USP31: variants seen among roughly 807,000 people sequenced by gnomAD.
The protein encoded by USP31 is ubiquitin specific peptidase 31.
In USP31, 44 loss-of-function variants were observed where a neutral mutation model predicts 119.4. The observed-to-expected ratio is 0.37, with a 90% CI of 0.29 to 0.47. The LOEUF (loss-of-function observed/expected upper bound fraction) is 0.47, where lower values mean the gene tolerates loss of function less well. Ranked by LOEUF, USP31 falls within the 20% of genes least tolerant of loss-of-function variation. USP31 has a pLI of 0.99. For missense variants in USP31, 1,643 were observed against 1,730.2 expected (o/e 0.95, Z 0.89); for synonymous variants, 749 against 705.6 (o/e 1.06, Z -0.97).
chr16:23,077,986 G>A (rs1418194298), intron 13 of USP31, among the ~76,000 whole-genome samples: 1 of 152,314 alleles, frequency 6.6e-6, no homozygotes, highest in African/African-American at 2.4e-5. Context: ...GATAACATTA[G>A]AGATCTATCA....
Position 23,082,516 on chromosome 16 carries a change from C to A in USP31, c.1872G>T (p.Gln624His). Reference protein sequence around the residue: ...DDAWRCPHCKQLQQGSITLSL... With the variant: ...DDAWRCPHCKHLQQGSITLSL... ...TTAACGTAATGCTTCCCTGCTGCAG[C>A]TGCTTACAGTGTGGGCAACGCCAGG... Residue 624 changes from glutamine to histidine, a missense_variant, in exon 12 of 16, where the codon CAG becomes CAT. Around this residue, in one of 5 missense-constraint regions of USP31, gnomAD observed 279 missense variants for 372.2 expected, o/e 0.75. Coordinates refer to ENST00000219689, the MANE Select transcript of USP31 (RefSeq NM_020718.4). The A allele has an allele frequency of 6.2e-7, 1 of 1,614,234 alleles. No individual in the cohort carries two copies. Among genetic ancestry groups the A allele is most frequent in the Non-Finnish European group, 8.5e-7 (1 of 1,180,044 alleles).
intron 7 of USP31, among the ~76,000 whole-genome samples, chr16:23,089,927 G>A (rs980029196): frequency 2.0e-5 from 3 of 152,120 alleles, no homozygotes; most frequent in African/African-American, 7.2e-5. Context: ...TAAGACATAA[G>A]TTCAATTTGG....
intron 1 of USP31, among the ~76,000 whole-genome samples, chr16:23,122,083 CAG>C (rs897666846): frequency 3.3e-5 from 5 of 152,146 alleles, no homozygotes; most frequent in African/African-American, 7.2e-5. Context: ...TATGCACACA[CAG>C]GGGAGGGGAA....
intron 6 of USP31, among the ~76,000 whole-genome samples, chr16:23,093,876 C>T (rs1307105905): frequency 6.6e-6 from 1 of 152,174 alleles, no homozygotes; most frequent in Non-Finnish European, 1.5e-5. Context: ...GAAGTGGATC[C>T]GTTCCAAGAT....
intron 1 of USP31, among the ~76,000 whole-genome samples, chr16:23,124,873 A>T (rs914095357): frequency 2.6e-5 from 4 of 152,184 alleles, no homozygotes; most frequent in African/African-American, 9.7e-5. Flanking sequence ...TGGGTGACAG[A>T]ACGAGACTCT....
chr16:23,091,338 A>G (rs1901353079), intron 6 of USP31, among the ~76,000 whole-genome samples: 1 of 152,178 alleles, frequency 6.6e-6, no homozygotes, highest in Non-Finnish European at 1.5e-5. Flanking sequence ...TAAAGTTAAC[A>G]AAAATATATA....
chr16:23,077,451 G>A (rs1311163943), intron 13 of USP31, among the ~76,000 whole-genome samples: 2 of 152,222 alleles, frequency 1.3e-5, no homozygotes, highest in Non-Finnish European at 2.9e-5. Flanking sequence ...GAAACAGTGA[G>A]TATGAAAGGT....
intron 1 of USP31, among the ~76,000 whole-genome samples, chr16:23,132,431 T>C (rs1903058418): frequency 6.6e-6 from 1 of 152,112 alleles, no homozygotes; most frequent in African/African-American, 2.4e-5. Flanking sequence ...AACACTGCCT[T>C]ATTTAGTAGC....
chr16:23,063,907 A>G lies in USP31; in HGVS notation c.*4139T>C, dbSNP rs1217570754. On this transcript the variant is annotated 3_prime_UTR_variant, in exon 16 of 16. Coordinates refer to ENST00000219689, the MANE Select transcript of USP31 (RefSeq NM_020718.4). ...CAAAATACTTTGAAAGTTGATCAAA[A>G]GGCAGTGTGAGAGTGTTCATTTAAA... The G allele has an allele frequency of 6.6e-6, 1 of 152,230 alleles. No homozygotes were observed. Among genetic ancestry groups the G allele is most frequent in the Non-Finnish European group, 1.5e-5 (1 of 68,034 alleles). The allele number at this position is 152,230 out of a possible 1,614,324, so 9.4% of individuals were successfully genotyped here.
intron 6 of USP31, among the ~76,000 whole-genome samples, chr16:23,097,657 A>C (rs2081572961): frequency 6.6e-6 from 1 of 152,240 alleles, no homozygotes; most frequent in Admixed American, 6.5e-5. Context: ...CTGGGATGCA[A>C]GGCTGGTTCA....
At chr16:23,143,079 C>T (rs949720249) in intron 1 of USP31, among the ~76,000 whole-genome samples, 2 of 152,116 alleles carry the variant, frequency 1.3e-5, no homozygotes. Context: ...AAGTTTATTC[C>T]TTTTGTGACT....
chr16:23,072,149 C>T lies in USP31; in HGVS notation c.2384G>A (p.Gly795Asp). ...LCEHWVSRLP[G>D]SKPASVTSAA... is the part of the protein sequence containing the mutation. ...AGAGGTCACGCTGGCTGGCTTGCTG[C>T]CCGGGAGCCGGCTCACCCAGTGTTC... Residue 795 changes from glycine to aspartate, a missense_variant, in exon 15 of 16, where the codon GGC becomes GAC. By Grantham distance (94) the Gly-to-Asp change is moderately conservative. Transcript: ENST00000219689. 6.2e-7 allele frequency: 1 copy of T among 1,611,530 alleles called. No homozygotes were observed. The highest frequency in any genetic ancestry group is 8.5e-7 in the Non-Finnish European group (1 of 1,180,026).
chr16:23,084,470 AAATTT>A (rs1218650740), intron 11 of USP31, among the ~76,000 whole-genome samples: 11 of 152,152 alleles, frequency 7.2e-5, no homozygotes, highest in African/African-American at 2.4e-4. Context: ...TTAATTTTTT[AAATTT>A]AATTAATTTA....
intron 7 of USP31, among the ~76,000 whole-genome samples, chr16:23,090,038 G>A (rs1019846354): frequency 5.3e-5 from 8 of 152,132 alleles, no homozygotes; most frequent in Admixed American, 2.6e-4. Flanking sequence ...AATGGGTCTA[G>A]AGCCCCAAGA....
chr16:23,132,984 AAGC>A (rs1258815820), intron 1 of USP31, among the ~76,000 whole-genome samples: 1 of 152,214 alleles, frequency 6.6e-6, no homozygotes, highest in African/African-American at 2.4e-5. Flanking sequence ...AGTCAGAAGA[AAGC>A]AGCAAGAGAC....
intron 1 of USP31, among the ~76,000 whole-genome samples, chr16:23,135,934 G>A (rs576146208): frequency 9.2e-5 from 14 of 152,234 alleles, no homozygotes; most frequent in African/African-American, 3.4e-4. Context: ...ACTTACTACT[G>A]TACACAGCTA....
chr16:23,089,042 A>C (rs147797533), intron 7 of USP31, among the ~76,000 whole-genome samples: 1 of 152,216 alleles, frequency 6.6e-6, no homozygotes, highest in Admixed American at 6.5e-5. Flanking sequence ...AGTACATGTA[A>C]ATCACCCAAC....
chr16:23,063,835 A>G lies in USP31; in HGVS notation c.*4211T>C, dbSNP rs757649475. Reference sequence around the variant, plus strand: ...CTGAGTTATATGGAGGCCACGCACAATTGTTTTTACTTGGGGAAAAAAATG... The same window carrying G: ...CTGAGTTATATGGAGGCCACGCACAGTTGTTTTTACTTGGGGAAAAAAATG... On this transcript the variant is annotated 3_prime_UTR_variant, in exon 16 of 16. Coordinates refer to ENST00000219689, the MANE Select transcript of USP31 (RefSeq NM_020718.4). 3.3e-5 allele frequency: 5 copies of G among 152,112 alleles called. No individual in the cohort carries two copies. Among genetic ancestry groups the G allele is most frequent in the Admixed American group, 6.5e-5 (1 of 15,284 alleles). 9.4% of individuals were successfully genotyped at this position (152,112 alleles called of 1,614,324 possible). A position where few individuals can be genotyped will look rare whatever the true frequency, so the allele number is the denominator to read the frequency against.
At chr16:23,140,888 C>T (rs555883750) in intron 1 of USP31, among the ~76,000 whole-genome samples, 11 of 152,304 alleles carry the variant, frequency 7.2e-5, no homozygotes, top group African/African-American at 2.6e-4. Flanking sequence ...CAAATCAATC[C>T]ATTAGCAAGT....
Sources: gnomAD v4.1 joint callset for allele counts (sites outside exome capture counted in the v4.1 genomes callset) on GRCh38, gnomAD v4.1.1 for gene constraint, gnomAD v4.1.1 regional missense constraint, MANE v1.5 for transcripts, NCBI Gene and HGNC (gene_info 2026-07-23, HGNC 2026-07-21) for gene names.